The following PCDH7 variants were observed in gnomAD, a reference collection of about 807,000 sequenced individuals.
The protein encoded by PCDH7 is protocadherin 7.
A neutral mutation model predicts 58.9 loss-of-function variants in PCDH7; 17 were observed. The observed-to-expected ratio is 0.29, with a 90% CI of 0.20 to 0.43. The LOEUF (loss-of-function observed/expected upper bound fraction) is 0.43, where lower values mean the gene tolerates loss of function less well. PCDH7 is among the 20% of genes least tolerant of loss of function. The probability of loss-of-function intolerance (pLI) is 1.00; values close to 1 mark genes in which losing one functional copy is unlikely to be tolerated. For synonymous variants in PCDH7, 664 were observed against 616.4 expected, an observed-to-expected ratio of 1.08 and a Z score of -1.14; for missense variants, 1,274 against 1,441.0, an observed-to-expected ratio of 0.88 and a Z score of 1.88.
At chr4:30,986,627 A>G (rs1750990592) in intron 3 of PCDH7, among the ~76,000 whole-genome samples, 1 of 152,050 alleles carries the variant, frequency 6.6e-6, no homozygotes, top group African/African-American at 2.4e-5. Flanking sequence ...TGATCTTTGC[A>G]CAATTTGATT....
At chr4:31,094,687 G>A (rs767486490) in intron 3 of PCDH7, among the ~76,000 whole-genome samples, 6 of 152,024 alleles carry the variant, frequency 3.9e-5, no homozygotes, top group Admixed American at 6.6e-5. Flanking sequence ...CCTGCCCTTC[G>A]TCCAGATACC....
intron 1 of PCDH7, among the ~76,000 whole-genome samples, chr4:30,904,158 A>T (rs909482155): frequency 6.6e-6 from 1 of 152,188 alleles, no homozygotes; most frequent in African/African-American, 2.4e-5. Context: ...AACCTACTAT[A>T]TAAGTTTTCT....
At chr4:30,825,010 T>A (rs189629576) in intron 1 of PCDH7, among the ~76,000 whole-genome samples, 7 of 152,200 alleles carry the variant, frequency 4.6e-5, no homozygotes, top group South Asian at 4.1e-4. Context: ...ATATATAAAG[T>A]TGAATGGATA....
At chr4:30,944,975 G>C (rs550779222) in intron 2 of PCDH7, among the ~76,000 whole-genome samples, 103 of 152,084 alleles carry the variant, frequency 6.8e-4, no homozygotes, top group African/African-American at 2.4e-3. Context: ...TACATTTGCC[G>C]ATAGTGTTTT....
rs144433370 is a variant in PCDH7, at chr4:30,818,414, C to G, written c.70+93818C>G. 3.6e-3 allele frequency among the ~76,000 whole-genome samples: 546 copies of G among 152,192 alleles called. 1 individual carries two copies. The highest frequency in any genetic ancestry group is 0.013 in the African/African-American group (523 of 41,530). On this transcript the variant is annotated intron_variant, in intron 1 of 3. Transcript: ENST00000509759. ...CTAGTTATCATATGCCAAAAGGAAG[C>G]CTTATGGTCAAGAAAATGAGTCTTC...
intron 1 of PCDH7, among the ~76,000 whole-genome samples, chr4:30,877,402 A>G (rs986162800): frequency 1.3e-5 from 2 of 152,158 alleles, no homozygotes; most frequent in Admixed American, 6.6e-5. Context: ...CTCGTAGTGT[A>G]TTGATTAGTG....
chr4:31,083,087 G>T (rs181156597), intron 3 of PCDH7, among the ~76,000 whole-genome samples: 1 of 151,942 alleles, frequency 6.6e-6, no homozygotes, highest in African/African-American at 2.4e-5. Context: ...CAGCCTGGGC[G>T]ACAGAGCAAG....
chr4:31,125,649 G>T (rs1374171036), intron 3 of PCDH7, among the ~76,000 whole-genome samples: 1 of 152,138 alleles, frequency 6.6e-6, no homozygotes, highest in Non-Finnish European at 1.5e-5. Context: ...CTCTCGTGAT[G>T]CTAGGAAGTG....
intron 1 of PCDH7, among the ~76,000 whole-genome samples, chr4:30,785,436 G>A (rs1284261323): frequency 6.6e-6 from 1 of 151,868 alleles, no homozygotes; most frequent in Non-Finnish European, 1.5e-5. Context: ...TATGTAAGTA[G>A]CCCAAATATT....
intron 3 of PCDH7, among the ~76,000 whole-genome samples, chr4:31,061,668 A>G (rs1264179100): frequency 2.6e-5 from 4 of 151,766 alleles, no homozygotes; most frequent in African/African-American, 9.7e-5. Context: ...CTTAAAAGTC[A>G]GTAATCTTAA....
downstream of PCDH7, chr4:31,143,112 CA>C (rs796939097): frequency 0.065 from 6,359 of 97,170 alleles, 249 homozygotes; most frequent in African/African-American, 0.15. Flanking sequence ...CACCCCTCTC[CA>C]AAAAAAAAAA....
intron 3 of PCDH7, among the ~76,000 whole-genome samples, chr4:31,086,363 G>A (rs1222748714): frequency 6.6e-6 from 1 of 152,176 alleles, no homozygotes; most frequent in South Asian, 2.1e-4. Context: ...GTTATTTTAA[G>A]TCTGTTTTTG....
intron 1 of PCDH7, among the ~76,000 whole-genome samples, chr4:30,899,779 A>T (rs570394025): frequency 1.1e-4 from 17 of 151,006 alleles, no homozygotes; most frequent in Admixed American, 2.6e-4. Context: ...GGTGGGGGTG[A>T]GGTGGGCTGG....
chr4:30,945,284 A>G (rs750754416), intron 2 of PCDH7, among the ~76,000 whole-genome samples: 2 of 152,202 alleles, frequency 1.3e-5, no homozygotes, highest in South Asian at 4.1e-4. Flanking sequence ...CTCAAATCCA[A>G]TTGTAATATA....
At chr4:30,780,953 A>C (rs753169878) in intron 1 of PCDH7, among the ~76,000 whole-genome samples, 1 of 152,144 alleles carries the variant, frequency 6.6e-6, no homozygotes, top group Non-Finnish European at 1.5e-5. Context: ...TTGTACATAT[A>C]AGCAGATTGT....
Position 30,722,087 on chromosome 4 carries a change from C to G in PCDH7, c.665C>G (p.Ser222Cys). Residue 222 changes from serine to cysteine, a missense_variant, in exon 1 of 2, where the codon TCC (serine) becomes TGC (cysteine). Transcript: ENST00000361762. The surrounding 1 kb of genome is among the most constrained non-coding windows in gnomAD (Gnocchi z 7.6). ...GCGAGCGGCGGCGGCTCGGGAGGCT[C>G]CAAGCGGCGGCTGGACGCATCAGAG... 7.6e-7 allele frequency: 1 copy of G among 1,321,804 alleles called. No individual in the cohort carries two copies. Among genetic ancestry groups the G allele is most frequent in the Non-Finnish European group, 9.6e-7 (1 of 1,040,740 alleles). The allele number at this position is 1,321,804 out of a possible 1,614,324, so 81.9% of individuals were successfully genotyped here.
chr4:31,015,274 A>G (rs143198134), intron 3 of PCDH7, among the ~76,000 whole-genome samples: 1 of 152,186 alleles, frequency 6.6e-6, no homozygotes, highest in East Asian at 1.9e-4. Flanking sequence ...TTATTGTGCA[A>G]ATAAATCCAA....
chr4:30,775,545 A>G (rs546152130), intron 1 of PCDH7, among the ~76,000 whole-genome samples: 1 of 152,240 alleles, frequency 6.6e-6, no homozygotes, highest in Non-Finnish European at 1.5e-5. Context: ...CCTTTCATAC[A>G]ATTGATTCTT....
chr4:30,894,490 A>AT (rs1213620781), intron 1 of PCDH7, among the ~76,000 whole-genome samples: 55 of 33,424 alleles, frequency 1.6e-3, no homozygotes, highest in East Asian at 3.1e-3. Context: ...AAAAAAAAAA[A>AT]ATATATATAT....
Sources: gnomAD v4.1 joint callset for allele counts (sites outside exome capture counted in the v4.1 genomes callset) on GRCh38, gnomAD v4.1.1 for gene constraint, Gnocchi (gnomAD v3.1) non-coding constraint, MANE v1.5 for transcripts, NCBI Gene and HGNC (gene_info 2026-07-23, HGNC 2026-07-21) for gene names.